DAZL: variants seen among roughly 807,000 people sequenced by gnomAD.
DAZL encodes the protein deleted in azoospermia-like.
In DAZL, 4 loss-of-function variants were observed where a neutral mutation model predicts 45.0. The ratio of observed to expected loss-of-function variants is 0.09; its 90% CI spans 0.04 to 0.20. The LOEUF (loss-of-function observed/expected upper bound fraction) is 0.20, where lower values mean the gene tolerates loss of function less well. Ranked by LOEUF, DAZL falls within the 10% of genes least tolerant of loss-of-function variation. DAZL has a pLI of 1.00. For missense variants in DAZL, 326 were observed against 351.3 expected (o/e 0.93, Z 0.58); for synonymous variants, 122 against 112.4 (o/e 1.09, Z -0.54).
At chr3:16,596,362 A>T (rs1225758929) in intron 6 of DAZL, among the ~76,000 whole-genome samples, 1 of 152,112 alleles carries the variant, frequency 6.6e-6, no homozygotes, top group African/African-American at 2.4e-5. Context: ...TCAGCAATTT[A>T]TATGAGGAGG....
At chr3:16,599,543 A>G (rs1694651335) in intron 1 of DAZL, among the ~76,000 whole-genome samples, 1 of 152,208 alleles carries the variant, frequency 6.6e-6, no homozygotes, top group Non-Finnish European at 1.5e-5. Context: ...AGGGTGTTCA[A>G]ATCATTTTTT....
At chr3:16,588,862 C>A in intron 10 of DAZL, 149 bp from the exon 11 acceptor site, 1 of 651,638 alleles carries the variant, frequency 1.5e-6, no homozygotes, top group East Asian at 2.9e-5. Flanking sequence ...GAGAAGCATT[C>A]TTGAACACTG....
In DAZL at chr3:16,588,659, A is replaced by T; in HGVS notation, c.*1T>A. 6.2e-7 allele frequency: 1 copy of T among 1,609,264 alleles called. No individual in the cohort carries two copies. The highest frequency in any genetic ancestry group is 8.5e-7 in the Non-Finnish European group (1 of 1,175,932). Reference sequence around the variant, plus strand: ...CCATGTAACTAGATAAGCCAGGAGGATCAAACAGATTTAAGCATTGCCCGA... The same window carrying T: ...CCATGTAACTAGATAAGCCAGGAGGTTCAAACAGATTTAAGCATTGCCCGA... On this transcript the variant is annotated 3_prime_UTR_variant, in exon 11 of 11. Coordinates refer to ENST00000399444, the MANE Select transcript of DAZL (RefSeq NM_001351.4).
chr3:16,592,207 G>A (rs895490674), intron 9 of DAZL, 59 bp from the exon 10 acceptor site: 1 of 1,592,452 alleles, frequency 6.3e-7, no homozygotes, highest in African/African-American at 1.4e-5. Context: ...TCTTAGTAAG[G>A]GTTTTTTTTT....
intron 1 of DAZL, chr3:16,604,753 C>A: frequency 7.3e-6 from 10 of 1,363,782 alleles, no homozygotes; most frequent in Admixed American, 3.3e-5. Flanking sequence ...GGAGAGCGCG[C>A]CAGAAATGAG....
Position 16,598,035 on chromosome 3 carries a change from C to T in DAZL, c.242+52G>A. ...CAGAATACCAATTTTGAAGTCTTCTCTGATACTCTATACGTGGCTAGAGTT... is the reference window on the plus strand; with the variant it reads ...CAGAATACCAATTTTGAAGTCTTCTTTGATACTCTATACGTGGCTAGAGTT... On this transcript the variant is annotated intron_variant, in intron 3 of 10. Coordinates refer to ENST00000399444, the MANE Select transcript of DAZL (RefSeq NM_001351.4). The T allele has an allele frequency of 2.1e-6, 3 of 1,421,646 alleles. No individual in the cohort carries two copies. In the South Asian group the frequency reaches 3.5e-5, roughly 16 times the overall value. The allele number at this position is 1,421,646 out of a possible 1,614,324, so 88.1% of individuals were successfully genotyped here. A position where few individuals can be genotyped will look rare whatever the true frequency, so the allele number is the denominator to read the frequency against.
At chr3:16,594,679 T>C in intron 7 of DAZL, 96 bp from the exon 8 acceptor site, 1 of 734,372 alleles carries the variant, frequency 1.4e-6, no homozygotes, top group Non-Finnish European at 2.2e-6. Context: ...CTTATCATGC[T>C]GGCTCCTTTG....
At chr3:16,590,129 T>C (rs1010584387) in intron 10 of DAZL, among the ~76,000 whole-genome samples, 5 of 152,194 alleles carry the variant, frequency 3.3e-5, no homozygotes, top group African/African-American at 1.2e-4. Context: ...TAAGTACTAC[T>C]GTAGACACCT....
At chr3:16,597,374 AT>A in intron 4 of DAZL, 115 bp downstream of exon 4, 5 of 836,818 alleles carry the variant, frequency 6.0e-6, no homozygotes, top group Non-Finnish European at 1.0e-5. Flanking sequence ...CTAAGTTTGG[AT>A]TTTTTTGACC....
chr3:16,605,222 A>C lies in DAZL; in HGVS notation c.-17T>G. The C allele has an allele frequency of 6.2e-7, 1 of 1,614,198 alleles. No individual in the cohort carries two copies. The highest frequency in any genetic ancestry group is 8.5e-7 in the Non-Finnish European group (1 of 1,179,996). ...ACTCACCATGATGGCGGCAGGCAGC[A>C]GTTCCCGACCGGCTCCAGGAGGAGC... On this transcript the variant is annotated 5_prime_UTR_variant, in exon 1 of 11. Transcript: ENST00000399444.
At chr3:16,593,163 C>T (rs1006502317) in intron 9 of DAZL, among the ~76,000 whole-genome samples, 10 of 152,130 alleles carry the variant, frequency 6.6e-5, no homozygotes, top group Non-Finnish European at 1.3e-4. Context: ...CTTGAGGAAA[C>T]CTTCCCATAA....
intron 3 of DAZL, 110 bp downstream of exon 3, chr3:16,597,977 A>G: frequency 8.4e-7 from 1 of 1,185,610 alleles, no homozygotes; most frequent in South Asian, 1.3e-5. Context: ...TACATGAAAG[A>G]AATTAACACA....
rs1329952753 is a variant in DAZL at position 16,587,123 on chromosome 3, T to C, written c.*1537A>G. The C allele has an allele frequency of 4.6e-5, 7 of 152,154 alleles. No individual in the cohort carries two copies. The highest frequency in any genetic ancestry group is 3.3e-4 in the Admixed American group (5 of 15,268). The allele number at this position is 152,154 out of a possible 1,614,324, so 9.4% of individuals were successfully genotyped here. A position where few individuals can be genotyped will look rare whatever the true frequency, so the allele number is the denominator to read the frequency against. The stretch of plus-strand genomic sequence containing the variant: ...GATCATTTTTAAATGGACAAATTCA[T>C]AGTGCTTTCAATTTCTGAGGTGTAA... On this transcript the variant is annotated 3_prime_UTR_variant, in exon 11 of 11. Coordinates refer to ENST00000399444, the MANE Select transcript of DAZL (RefSeq NM_001351.4).
intron 10 of DAZL, 22 bp from the exon 11 acceptor site, chr3:16,588,735 CT>C: frequency 6.2e-7 from 1 of 1,604,078 alleles, no homozygotes. Flanking sequence ...AGAAAGAGTC[CT>C]TTTACTTTAC....
chr3:16,592,031 G>T lies in DAZL; in HGVS notation c.834+19C>A, dbSNP rs147306731. 1 of 1,605,682 alleles carries T rather than the reference G, an allele frequency of 6.2e-7. No homozygotes were observed. Among genetic ancestry groups the T allele is most frequent in the Non-Finnish European group, 8.5e-7 (1 of 1,172,828 alleles). The stretch of plus-strand genomic sequence containing the variant: ...TAACAAGTGTGCTTTTTAATTGTGC[G>T]TAACTGTTATATTCATACCTTGAAG... On this transcript the variant is annotated intron_variant, in intron 10 of 10. Coordinates refer to ENST00000399444, the MANE Select transcript of DAZL (RefSeq NM_001351.4).
At chr3:16,598,328 G>A (rs1694631948) in intron 2 of DAZL, 124 bp downstream of exon 2, 5 of 1,443,178 alleles carry the variant, frequency 3.5e-6, no homozygotes, top group African/African-American at 2.8e-5. Context: ...TAGTACCTAT[G>A]GGTCAAATGT....
intron 1 of DAZL, among the ~76,000 whole-genome samples, chr3:16,604,943 T>G (rs1694754698): frequency 6.6e-6 from 1 of 152,188 alleles, no homozygotes; most frequent in African/African-American, 2.4e-5. Context: ...CCCTTGCACG[T>G]GGCCGGCGAG....
Position 16,604,809 on chromosome 3 carries a change from CGT to C in DAZL, c.3+392_3+393del, listed in dbSNP as rs977018506. On this transcript the variant is annotated intron_variant, in intron 1 of 10. Transcript: ENST00000399444. Reference sequence around the variant, plus strand: ...TGGGAGTGGGGGAGGGGCGGAGGCGCGTGAGTGGGGGAGCGCGTGGGAGTGGG... The same window carrying C: ...TGGGAGTGGGGGAGGGGCGGAGGCGCGAGTGGGGGAGCGCGTGGGAGTGGG... 3.0e-5 allele frequency: 32 copies of C among 1,082,606 alleles called. No homozygotes were observed. The African/African-American group carries it at 5.2e-4, about 18-fold the overall frequency. 67.1% of individuals were successfully genotyped at this position (1,082,606 alleles called of 1,614,324 possible). A position where few individuals can be genotyped will look rare whatever the true frequency, so the allele number is the denominator to read the frequency against.
At chr3:16,604,437 A>T (rs1328660133) in intron 1 of DAZL, 1 of 1,531,538 alleles carries the variant, frequency 6.5e-7, no homozygotes, top group Non-Finnish European at 8.7e-7. Context: ...TGCTGAAACC[A>T]ACCTCGTGCG....
Sources: gnomAD v4.1 joint callset for allele counts (sites outside exome capture counted in the v4.1 genomes callset) on GRCh38, gnomAD v4.1.1 for gene constraint, MANE v1.5 for transcripts, NCBI Gene and HGNC (gene_info 2026-07-23, HGNC 2026-07-21) for gene names.